FRAS1: variants seen among roughly 807,000 people sequenced by gnomAD.
FRAS1 encodes extracellular matrix organizing protein FRAS1.
A neutral mutation model predicts 435.2 loss-of-function variants in FRAS1; 290 were observed. The ratio of observed to expected loss-of-function variants is 0.67; its 90% confidence interval spans 0.61 to 0.73. The LOEUF is 0.73. Among genes scored for constraint, FRAS1 ranks in the 30% least tolerant of loss-of-function variants. The pLI, the probability that FRAS1 is intolerant of heterozygous loss-of-function variation, is 0.00. For synonymous variants in FRAS1, 1,800 were observed against 1,851.0 expected (o/e 0.97, Z 0.71); for missense variants, 4,860 against 5,001.5 (o/e 0.97, Z 0.85).
chr4:78,252,062 G>A (rs1463944180), intron 4 of FRAS1, among the ~76,000 whole-genome samples: 1 of 152,186 alleles, frequency 6.6e-6, no homozygotes, highest in African/African-American at 2.4e-5. Flanking sequence ...GTAAACATAT[G>A]TGTATTTGAA....
At chr4:78,072,478 C>T (rs1480662563) in intron 2 of FRAS1, among the ~76,000 whole-genome samples, 1 of 152,102 alleles carries the variant, frequency 6.6e-6, no homozygotes, top group Non-Finnish European at 1.5e-5. Context: ...TTGAAATCAC[C>T]ACAAACAATT....
At chr4:78,136,907 C>T (rs906339970) in intron 2 of FRAS1, among the ~76,000 whole-genome samples, 3 of 152,162 alleles carry the variant, frequency 2.0e-5, no homozygotes, top group African/African-American at 4.8e-5. Context: ...ACCTACTGTG[C>T]GCCAGCACCG....
chr4:78,386,598 G>T (rs1732225868), intron 28 of FRAS1, among the ~76,000 whole-genome samples: 3 of 152,132 alleles, frequency 2.0e-5, no homozygotes, highest in Admixed American at 2.0e-4. Context: ...GTCCTAGATG[G>T]TTCCACTTCA....
intron 18 of FRAS1, among the ~76,000 whole-genome samples, chr4:78,330,023 C>T (rs567211636): frequency 6.6e-6 from 1 of 152,278 alleles, no homozygotes; most frequent in South Asian, 2.1e-4. Flanking sequence ...CCTTCATCGC[C>T]ATGGCACATT....
intron 42 of FRAS1, chr4:78,445,937 T>G: frequency 2.3e-6 from 3 of 1,312,474 alleles, no homozygotes; most frequent in Non-Finnish European, 2.9e-6. Context: ...TTGAATTTAT[T>G]TGTTCGGTGT....
intron 31 of FRAS1, 52 bp downstream of exon 31, chr4:78,407,893 T>C (rs1733164875): frequency 4.2e-6 from 6 of 1,436,834 alleles, no homozygotes; most frequent in Non-Finnish European, 5.6e-6. Flanking sequence ...AATAATCCAA[T>C]CGCTCTTATT....
chr4:78,094,104 G>GTTT (rs71214395), intron 2 of FRAS1, among the ~76,000 whole-genome samples: 50 of 106,632 alleles, frequency 4.7e-4, no homozygotes, highest in African/African-American at 8.5e-4. Flanking sequence ...GAATAACCAA[G>GTTT]TTTTTTTTTT....
At chr4:78,489,879 A>G (rs991339960) in intron 59 of FRAS1, among the ~76,000 whole-genome samples, 3 of 151,162 alleles carry the variant, frequency 2.0e-5, no homozygotes, top group African/African-American at 7.3e-5. Context: ...ATGTTGAGCA[A>G]ATTGAAGTCA....
At chr4:78,067,967 T>C (rs1346612717) in intron 2 of FRAS1, among the ~76,000 whole-genome samples, 2 of 151,560 alleles carry the variant, frequency 1.3e-5, no homozygotes, top group African/African-American at 2.4e-5. Flanking sequence ...CATAAGCCAC[T>C]GAGCCTGGCC....
intron 48 of FRAS1, 93 bp downstream of exon 48, chr4:78,464,238 C>T (rs1553962975): frequency 6.8e-6 from 10 of 1,460,108 alleles, no homozygotes; most frequent in Non-Finnish European, 9.2e-6. Flanking sequence ...GAGAGAAGAG[C>T]TTCATTTTCC....
At chr4:78,335,121 A>G (rs1233754532) in intron 19 of FRAS1, among the ~76,000 whole-genome samples, 1 of 152,108 alleles carries the variant, frequency 6.6e-6, no homozygotes, top group Non-Finnish European at 1.5e-5. Context: ...CACTAGGGCG[A>G]TCTTTTACTT....
At chr4:78,178,548 G>C (rs1008339796) in intron 2 of FRAS1, among the ~76,000 whole-genome samples, 1 of 152,216 alleles carries the variant, frequency 6.6e-6, no homozygotes, top group South Asian at 2.1e-4. Flanking sequence ...CTGATAGTCA[G>C]TGTAGTATTT....
intron 32 of FRAS1, among the ~76,000 whole-genome samples, chr4:78,414,153 C>T (rs1039838406): frequency 2.0e-5 from 3 of 152,088 alleles, no homozygotes; most frequent in South Asian, 2.1e-4. Flanking sequence ...CACCATAAAC[C>T]GTAATTTAAA....
At chr4:78,084,222 C>T (rs569411359) in intron 2 of FRAS1, among the ~76,000 whole-genome samples, 58 of 152,126 alleles carry the variant, frequency 3.8e-4, no homozygotes, top group African/African-American at 1.3e-3. Flanking sequence ...ACTTTTATTA[C>T]AGTATGTTGT....
intron 2 of FRAS1, among the ~76,000 whole-genome samples, chr4:78,188,010 A>G (rs1483744475): frequency 6.6e-6 from 1 of 152,190 alleles, no homozygotes; most frequent in Non-Finnish European, 1.5e-5. Context: ...CAAGACCTTA[A>G]GAATCTGGTA....
chr4:78,479,298 C>A (rs1719939976), intron 55 of FRAS1, 76 bp from the exon 56 acceptor site: 3 of 997,082 alleles, frequency 3.0e-6, no homozygotes, highest in Admixed American at 6.4e-5. Context: ...GGACCAAGCT[C>A]ATTAACTTAC....
chr4:78,109,750 G>C lies in FRAS1; in HGVS notation c.108+43734G>C, dbSNP rs1469195780. ...ACATAGTGTTGGAAGTTCTGGCCAG[G>C]GCAATCAGGCAGGAGAAGGAAATAA... is the stretch of plus-strand genomic sequence containing the variant. On this transcript the variant is annotated intron_variant, in intron 2 of 73. Coordinates refer to ENST00000512123, the MANE Select transcript of FRAS1 (RefSeq NM_025074.7). 5.0e-4 allele frequency among the ~76,000 whole-genome samples: 20 copies of C among 39,726 alleles called. No homozygotes were observed. In the East Asian group the frequency reaches 0.011, roughly 21 times the overall value. The allele number at this position is 39,726 out of a possible 152,430, so 26.1% of individuals were successfully genotyped here.
intron 2 of FRAS1, among the ~76,000 whole-genome samples, chr4:78,160,541 C>T (rs1721096334): frequency 6.6e-6 from 1 of 151,952 alleles, no homozygotes; most frequent in Non-Finnish European, 1.5e-5. Context: ...CCCTACAATG[C>T]TGTTTTTGTA....
intron 18 of FRAS1, among the ~76,000 whole-genome samples, chr4:78,331,729 T>C (rs1453203236): frequency 1.3e-5 from 2 of 152,188 alleles, no homozygotes; most frequent in East Asian, 1.9e-4. Flanking sequence ...TGGGGTTATC[T>C]GCATGAAGAA....
Sources: allele counts gnomAD v4.1 joint callset (sites outside exome capture counted in the v4.1 genomes callset), GRCh38; gene constraint gnomAD v4.1.1; transcripts MANE v1.5; gene names NCBI Gene and HGNC (gene_info 2026-07-23, HGNC 2026-07-21).